The following CCSER1 variants were observed in gnomAD, a reference collection of about 807,000 sequenced individuals.
The protein encoded by CCSER1 is coiled-coil serine rich protein 1.
In CCSER1, 41 loss-of-function variants were observed where a neutral mutation model predicts 82.0. The observed-to-expected ratio is 0.50, with a 90% confidence interval of 0.39 to 0.65. The LOEUF (loss-of-function observed/expected upper bound fraction) is 0.65, where lower values mean the gene tolerates loss of function less well. Ranked by LOEUF, CCSER1 falls within the 30% of genes least tolerant of loss-of-function variation. The probability of loss-of-function intolerance (pLI) is 0.00; values close to 1 mark genes in which losing one functional copy is unlikely to be tolerated. For missense variants in CCSER1, 1,119 were observed against 1,064.2 expected (o/e 1.05, Z -0.72); for synonymous variants, 414 against 383.9 (o/e 1.08, Z -0.92).
chr4:90,143,139 G>A (rs1038809033), intron 1 of CCSER1, among the ~76,000 whole-genome samples: 8 of 151,976 alleles, frequency 5.3e-5, no homozygotes, highest in South Asian at 2.1e-4. Context: ...CATTTGAAGG[G>A]GAGGAAGACA....
At chr4:90,390,400 T>C (rs1276443634) in intron 3 of CCSER1, among the ~76,000 whole-genome samples, 1 of 152,200 alleles carries the variant, frequency 6.6e-6, no homozygotes, top group African/African-American at 2.4e-5. Context: ...TAGGTAGCAT[T>C]GTACCCAGTG....
intron 9 of CCSER1, among the ~76,000 whole-genome samples, chr4:91,014,496 C>A (rs1001872380): frequency 2.4e-4 from 32 of 134,226 alleles, no homozygotes; most frequent in African/African-American, 7.9e-4. Flanking sequence ...ATATTATATT[C>A]TATAGTAGTT....
intron 4 of CCSER1, among the ~76,000 whole-genome samples, chr4:90,420,173 C>T (rs1467863878): frequency 2.0e-5 from 3 of 151,964 alleles, no homozygotes; most frequent in South Asian, 2.1e-4. Context: ...TGTTTTTGCT[C>T]GACCAATTTA....
intron 9 of CCSER1, among the ~76,000 whole-genome samples, chr4:91,011,535 T>A (rs1739004466): frequency 1.5e-5 from 2 of 133,982 alleles, no homozygotes; most frequent in Admixed American, 1.5e-4. Context: ...GAATGTAGAT[T>A]CTTCACAGAG....
At chr4:91,586,492 T>A (rs564503096) in intron 10 of CCSER1, among the ~76,000 whole-genome samples, 1 of 151,706 alleles carries the variant, frequency 6.6e-6, no homozygotes, top group South Asian at 2.1e-4. Flanking sequence ...ACCAGGAGCG[T>A]GAAATGTCAC....
intron 10 of CCSER1, among the ~76,000 whole-genome samples, chr4:91,173,807 CAGA>C (rs1733024716): frequency 6.6e-6 from 1 of 152,028 alleles, no homozygotes; most frequent in South Asian, 2.1e-4. Context: ...AGGATGAAAA[CAGA>C]AGAACAAATG....
intron 10 of CCSER1, among the ~76,000 whole-genome samples, chr4:91,524,614 T>C (rs1213076919): frequency 6.6e-6 from 1 of 152,090 alleles, no homozygotes; most frequent in Non-Finnish European, 1.5e-5. Flanking sequence ...TGGAGGAAGA[T>C]AACAAAAGAG....
At chr4:91,205,816 T>A (rs1736298249) in intron 10 of CCSER1, among the ~76,000 whole-genome samples, 1 of 151,824 alleles carries the variant, frequency 6.6e-6, no homozygotes, top group Non-Finnish European at 1.5e-5. Context: ...TCATTAGACA[T>A]TTTACTATTC....
chr4:91,380,122 T>C (rs1750764059), intron 10 of CCSER1, among the ~76,000 whole-genome samples: 1 of 152,190 alleles, frequency 6.6e-6, no homozygotes, highest in Non-Finnish European at 1.5e-5. Context: ...CAGTTTGTTA[T>C]AATTTCTGTT....
chr4:90,883,056 A>T (rs2150080471), intron 8 of CCSER1, among the ~76,000 whole-genome samples: 1 of 152,162 alleles, frequency 6.6e-6, no homozygotes, highest in Non-Finnish European at 1.5e-5. Flanking sequence ...CTAGAGAGGT[A>T]AGTAACCTTT....
chr4:91,153,469 T>G (rs183245502), intron 10 of CCSER1, among the ~76,000 whole-genome samples: 2 of 151,962 alleles, frequency 1.3e-5, no homozygotes, highest in Admixed American at 1.3e-4. Flanking sequence ...TTCCTTTAGC[T>G]TAGAGAAGTT....
At chr4:90,856,509 G>A (rs1269615518) in intron 8 of CCSER1, among the ~76,000 whole-genome samples, 1 of 151,962 alleles carries the variant, frequency 6.6e-6, no homozygotes, top group African/African-American at 2.4e-5. Context: ...GAATAAAGTG[G>A]GTCTGATAAA....
intron 1 of CCSER1, among the ~76,000 whole-genome samples, chr4:90,196,652 C>T (rs911773807): frequency 3.5e-5 from 4 of 114,310 alleles, no homozygotes; most frequent in Non-Finnish European, 7.8e-5. Flanking sequence ...TTTTCCTGCT[C>T]AGATACACAC....
intron 7 of CCSER1, among the ~76,000 whole-genome samples, chr4:90,754,957 T>G (rs1207669534): frequency 6.6e-5 from 10 of 152,110 alleles, no homozygotes; most frequent in Non-Finnish European, 4.4e-5. Flanking sequence ...GCTTCTGAAT[T>G]AAAGACCCCA....
At chr4:91,390,622 C>T (rs1751589207) in intron 10 of CCSER1, among the ~76,000 whole-genome samples, 1 of 151,610 alleles carries the variant, frequency 6.6e-6, no homozygotes, top group African/African-American at 2.4e-5. Context: ...ATTCCTTATA[C>T]TTTTATCTTC....
chr4:91,372,476 T>C (rs1341558598), intron 10 of CCSER1, among the ~76,000 whole-genome samples: 6 of 152,106 alleles, frequency 3.9e-5, no homozygotes, highest in Non-Finnish European at 8.8e-5. Context: ...TTATATATAT[T>C]GATTTTCTTC....
At chr4:90,432,287 A>T (rs1027838117) in intron 4 of CCSER1, among the ~76,000 whole-genome samples, 1 of 152,128 alleles carries the variant, frequency 6.6e-6, no homozygotes, top group African/African-American at 2.4e-5. Context: ...TGTTCAAAAA[A>T]ATGAGAGATG....
At chr4:91,339,522 T>C (rs957560973) in intron 10 of CCSER1, among the ~76,000 whole-genome samples, 2 of 152,178 alleles carry the variant, frequency 1.3e-5, no homozygotes, top group African/African-American at 4.8e-5. Context: ...CATCTCTTCA[T>C]ACTTGTAGCT....
intron 6 of CCSER1, among the ~76,000 whole-genome samples, chr4:90,638,520 A>C (rs1215707818): frequency 6.6e-6 from 1 of 152,168 alleles, no homozygotes; most frequent in East Asian, 1.9e-4. Flanking sequence ...GGTTAAAAAA[A>C]TTTACAAGGT....
Sources: allele counts gnomAD v4.1 joint callset (sites outside exome capture counted in the v4.1 genomes callset), GRCh38; gene constraint gnomAD v4.1.1; transcripts MANE v1.5; gene names NCBI Gene and HGNC (gene_info 2026-07-23, HGNC 2026-07-21).